DNAH10: variants seen among roughly 807,000 people sequenced by gnomAD.
DNAH10 encodes the protein axonemal beta dynein heavy chain 10.
DNAH10 carries 348 observed loss-of-function variants against 506.6 expected under a neutral mutation model. The ratio of observed to expected loss-of-function variants is 0.69; its 90% CI spans 0.63 to 0.75. DNAH10 has a LOEUF of 0.75. Among genes scored for constraint, DNAH10 ranks in the 30% least tolerant of loss-of-function variants. The probability of loss-of-function intolerance (pLI) is 0.00; values close to 1 mark genes in which losing one functional copy is unlikely to be tolerated. For synonymous variants in DNAH10, 2,059 were observed against 2,198.6 expected (o/e 0.94, Z 1.78); for missense variants, 5,179 against 5,787.1 (o/e 0.89, Z 3.41).
chr12:123,902,189 AC>A lies in DNAH10; in HGVS notation c.9641-746del, dbSNP rs1953552344. 6.6e-6 allele frequency among the ~76,000 whole-genome samples: 1 copy of A among 151,798 alleles called. No individual in the cohort carries two copies. Among genetic ancestry groups the A allele is most frequent in the Non-Finnish European group, 1.5e-5 (1 of 67,972 alleles). On this transcript the variant is annotated intron_variant, in intron 56 of 78. Transcript: ENST00000673944. This position sits in a 1 kb window ranked among gnomAD's most constrained non-coding sequence, Gnocchi z 4.5. ...GTCTGCACATGGCCTTCTGATAGGG[AC>A]CCCAGGCATTGGATTTAGGGCCCAC...
At chr12:123,838,156 G>T (rs1046860449) in intron 28 of DNAH10, among the ~76,000 whole-genome samples, 21 of 151,872 alleles carry the variant, frequency 1.4e-4, no homozygotes, top group African/African-American at 5.1e-4. Context: ...TGTAGGGTGG[G>T]GTGGGGCTCA....
In DNAH10 at chr12:123,902,868, G is replaced by A; in HGVS notation, c.9641-71G>A. 6.7e-7 allele frequency: 1 copy of A among 1,497,152 alleles called. No individual in the cohort carries two copies. Among genetic ancestry groups the A allele is most frequent in the Non-Finnish European group, 8.9e-7 (1 of 1,117,504 alleles). The allele number at this position is 1,497,152 out of a possible 1,614,324, so 92.7% of individuals were successfully genotyped here. A position where few individuals can be genotyped will look rare whatever the true frequency, so the allele number is the denominator to read the frequency against. On this transcript the variant is annotated intron_variant, in intron 56 of 78. Coordinates refer to ENST00000673944, the MANE Select transcript of DNAH10 (RefSeq NM_001372106.1). This position sits in a 1 kb window ranked among gnomAD's most constrained non-coding sequence, Gnocchi z 4.5. The stretch of plus-strand genomic sequence containing the variant: ...AGCCAACCTTTGAGGACTGCACTCT[G>A]CTCAGAGCCGGGGCCGCGAGTGCAT...
intron 17 of DNAH10, among the ~76,000 whole-genome samples, chr12:123,804,621 C>T (rs1299967173): frequency 6.6e-6 from 1 of 152,008 alleles, no homozygotes; most frequent in Non-Finnish European, 1.5e-5. Flanking sequence ...ACAAGATTGC[C>T]CAAAGGTATA....
chr12:123,921,691 GTTTTTTTTTTTTTTTTTTTTTTTTTT>G (rs35553163), intron 65 of DNAH10, among the ~76,000 whole-genome samples: 15 of 62,884 alleles, frequency 2.4e-4, no homozygotes, highest in African/African-American at 7.3e-4. Context: ...GTAGCTTGCA[GTTTTTTTTTTTTTTTTTTTTTTTTTT>G]TTTTTTTTTT....
intron 37 of DNAH10, 46 bp downstream of exon 37, chr12:123,857,293 T>C: frequency 1.4e-6 from 2 of 1,457,828 alleles, no homozygotes; most frequent in South Asian, 1.5e-5. Context: ...ATCCTTTCCA[T>C]TGGCTTTTTG....
chr12:123,884,849 C>A (rs1214651921), intron 51 of DNAH10, among the ~76,000 whole-genome samples: 1 of 152,176 alleles, frequency 6.6e-6, no homozygotes, highest in Non-Finnish European at 1.5e-5. Flanking sequence ...AAATAAGGAT[C>A]ACTTGTAATT....
At chr12:123,795,377 G>A (rs192343103) in intron 12 of DNAH10, among the ~76,000 whole-genome samples, 28 of 152,116 alleles carry the variant, frequency 1.8e-4, no homozygotes, top group African/African-American at 5.3e-4. Flanking sequence ...AGTTTGCCAC[G>A]GGTGTCCCTG....
intron 28 of DNAH10, among the ~76,000 whole-genome samples, chr12:123,836,216 C>G (rs149448484): frequency 1.3e-5 from 2 of 152,084 alleles, no homozygotes; most frequent in East Asian, 1.9e-4. Flanking sequence ...TTGTGTACAA[C>G]TTTATATCAT....
intron 18 of DNAH10, among the ~76,000 whole-genome samples, chr12:123,806,623 C>T (rs77682183): frequency 3.3e-5 from 5 of 152,226 alleles, no homozygotes; most frequent in East Asian, 1.9e-4. Context: ...GACCCAGTTT[C>T]GCAAACTTCT....
In DNAH10 at chr12:123,934,206, G is replaced by A. The variant is rs1301416416; in HGVS notation, c.13478-415G>A. On this transcript the variant is annotated intron_variant, in intron 77 of 78. Coordinates refer to ENST00000673944, the MANE Select transcript of DNAH10 (RefSeq NM_001372106.1). ...CTCCTCCCCGGAGACCACTTTCTCT[G>A]TGAGGCTTCGACTTCCTGCTCCCCA... is the stretch of plus-strand genomic sequence containing the variant. 5 of 701,644 alleles carry A rather than the reference G, an allele frequency of 7.1e-6. No homozygotes were observed. The Admixed American group carries it at 8.0e-5, about 11-fold the overall frequency. The allele number at this position is 701,644 out of a possible 1,614,324, so 43.5% of individuals were successfully genotyped here. A position where few individuals can be genotyped will look rare whatever the true frequency, so the allele number is the denominator to read the frequency against.
chr12:123,882,562 G>A (rs1021119977), intron 51 of DNAH10, among the ~76,000 whole-genome samples: 1 of 152,052 alleles, frequency 6.6e-6, no homozygotes, highest in Non-Finnish European at 1.5e-5. Flanking sequence ...GGAGGCCAAG[G>A]CGGGTGGATC....
rs186086219 is a variant in DNAH10 at position 123,900,199 on chromosome 12, C to T, written c.9640+1385C>T. ...CAAATGCCTCATTCCCACATAGCTG[C>T]ACTTTGCTTTGATCTGTCTTTTAAA... On this transcript the variant is annotated intron_variant, in intron 56 of 78. Transcript: ENST00000673944. Among the ~76,000 whole-genome samples the T allele has an allele frequency of 1.1e-3, 166 of 152,336 alleles. 1 individual carries two copies. The highest frequency in any genetic ancestry group is 3.9e-3 in the African/African-American group (161 of 41,576).
rs779922351 is a variant in DNAH10, at chr12:123,800,282, C to G, written c.2356C>G (p.Pro786Ala). 2.5e-6 allele frequency: 4 copies of G among 1,614,094 alleles called. No individual in the cohort carries two copies. Among genetic ancestry groups the G allele is most frequent in the Non-Finnish European group, 2.5e-6 (3 of 1,180,014 alleles). Residue 786 changes from proline (P) to alanine (A), a missense_variant, in exon 15 of 79, where the codon CCG (proline) becomes GCG (alanine). Pro to Ala is a conservative substitution (Grantham distance 27, BLOSUM62 -1). Coordinates refer to ENST00000673944, the MANE Select transcript of DNAH10 (RefSeq NM_001372106.1). ...RGAVFAINFS[P>A]ALREIINETK... is the part of the protein sequence containing the mutation. Reference sequence around the variant, plus strand: ...AGCTGTTTTTGCAATCAACTTTTCACCGGCTCTCAGAGAGATTATTAATGA... The same window carrying G: ...AGCTGTTTTTGCAATCAACTTTTCAGCGGCTCTCAGAGAGATTATTAATGA...
chr12:123,772,608 G>A (rs1957295267), intron 3 of DNAH10, among the ~76,000 whole-genome samples: 1 of 152,188 alleles, frequency 6.6e-6, no homozygotes, highest in Admixed American at 6.5e-5. Flanking sequence ...TTGTTTAGGT[G>A]TTGCTGTACT....
chr12:123,809,251 G>T (rs982613348), intron 19 of DNAH10, among the ~76,000 whole-genome samples: 1 of 152,090 alleles, frequency 6.6e-6, no homozygotes, highest in Admixed American at 6.6e-5. Flanking sequence ...TGTCCCCCCA[G>T]TACCTTCCTA....
rs1460873032 is a variant in DNAH10 at position 123,881,778 on chromosome 12, C to T, written c.8788C>T (p.Leu2930Phe). The T allele has an allele frequency of 5.9e-6, 9 of 1,522,082 alleles. No individual in the cohort carries two copies. Among genetic ancestry groups the T allele is most frequent in the Non-Finnish European group, 7.1e-6 (8 of 1,133,856 alleles). The allele number at this position is 1,522,082 out of a possible 1,614,324, so 94.3% of individuals were successfully genotyped here. The change falls in exon 51 of 79, where the codon CTT becomes TTT. Residue 2930 changes from leucine (L) to phenylalanine (F), a missense_variant. Around this residue, in one of 3 missense-constraint regions of DNAH10, gnomAD observed 4,844 missense variants for 5,430.5 expected, o/e 0.89. Transcript: ENST00000673944. ...GGTAGGGGGCTCAGGGAAGCAGTCT[C>T]TTTCGAGGCTGGCTGCCTTCACAGC... ...VGVGGSGKQS[L>F]SRLAAFTASC...
chr12:123,819,476 G>A (rs2136404157), intron 23 of DNAH10, among the ~76,000 whole-genome samples: 1 of 151,186 alleles, frequency 6.6e-6, no homozygotes, highest in South Asian at 2.1e-4. Flanking sequence ...AAGGTGTTGA[G>A]AGAAGTGCCA....
chr12:123,926,906 G>T lies in DNAH10; in HGVS notation c.12105+86G>T. The T allele has an allele frequency of 6.9e-7, 1 of 1,448,320 alleles. No individual in the cohort carries two copies. 89.7% of individuals were successfully genotyped at this position (1,448,320 alleles called of 1,614,324 possible). ...GAAGGAGCTAACCTGGGTTTAAGCT[G>T]AGTGCCACGCCACAAATCAGTTGGA... On this transcript the variant is annotated intron_variant, in intron 69 of 78. Transcript: ENST00000673944. This position sits in a 1 kb window ranked among gnomAD's most constrained non-coding sequence, Gnocchi z 4.1.
At position 123,932,004 on chromosome 12, in the gene DNAH10, G is replaced by C. The variant is rs759073156; in HGVS notation, c.13192G>C (p.Gly4398Arg). 1 of 1,613,972 alleles carries C rather than the reference G, an allele frequency of 6.2e-7. No individual in the cohort carries two copies. Among genetic ancestry groups the C allele is most frequent in the Non-Finnish European group, 8.5e-7 (1 of 1,179,892 alleles). ...LDDVARSLFIGHIPNIWRRLA... is the reference protein window; with the variant it reads ...LDDVARSLFIRHIPNIWRRLA... ...TGATGTGGCCAGGTCTCTTTTTATC[G>C]GGCATATCCCTAATATCTGGAGAAG... The change falls in exon 76 of 79, where the codon GGG becomes CGG. Residue 4398 changes from glycine to arginine, a missense_variant. Around this residue, in one of 3 missense-constraint regions of DNAH10, gnomAD observed 4,844 missense variants for 5,430.5 expected, o/e 0.89. Coordinates refer to ENST00000673944, the MANE Select transcript of DNAH10 (RefSeq NM_001372106.1).
Sources: allele counts gnomAD v4.1 joint callset (sites outside exome capture counted in the v4.1 genomes callset), GRCh38; gene constraint gnomAD v4.1.1; regional missense constraint gnomAD v4.1.1; non-coding constraint Gnocchi (gnomAD v3.1); transcripts MANE v1.5; gene names NCBI Gene and HGNC (gene_info 2026-07-23, HGNC 2026-07-21).